Variants in ZMYM4 observed in about 807,000 individuals in gnomAD.
ZMYM4 encodes zinc finger MYM-type protein 4.
Under a neutral mutation model 183.2 loss-of-function variants are expected in ZMYM4, and 31 were observed. The observed-to-expected ratio is 0.17, with a 90% confidence interval of 0.13 to 0.23. The LOEUF (loss-of-function observed/expected upper bound fraction) is 0.23, where lower values mean the gene tolerates loss of function less well. Ranked by LOEUF, ZMYM4 falls within the 10% of genes least tolerant of loss-of-function variation. ZMYM4 has a pLI of 1.00. For synonymous variants in ZMYM4, 592 were observed against 631.2 expected (o/e 0.94, Z 0.93); for missense variants, 1,273 against 1,840.3 (o/e 0.69, Z 5.64).
At chr1:35,294,030 G>T (rs1276199229) in intron 1 of ZMYM4, among the ~76,000 whole-genome samples, 1 of 151,966 alleles carries the variant, frequency 6.6e-6, no homozygotes, top group African/African-American at 2.4e-5. Context: ...AGCTACTTGG[G>T]AGGCTGAGGC....
chr1:35,352,386 G>GCGCGCACACACACACACACA lies in ZMYM4; in HGVS notation c.86-6538_86-6537insGCGCACACACACACACACAC, dbSNP rs1231646476. Among the ~76,000 whole-genome samples, 5 of 128,472 alleles carry GCGCGCACACACACACACACA rather than the reference G, an allele frequency of 3.9e-5. No individual in the cohort carries two copies. In the East Asian group the frequency reaches 9.2e-4, roughly 24 times the overall value. 84.3% of individuals were successfully genotyped at this position (128,472 alleles called of 152,430 possible). ...CTCTACTAATAATTTAAAAATTAGCGCACACACACACACACACACACACAC... is the reference window on the plus strand; with the variant it reads ...CTCTACTAATAATTTAAAAATTAGCGCGCGCACACACACACACACACACACACACACACACACACACACAC... On this transcript the variant is annotated intron_variant, in intron 2 of 29. Coordinates refer to ENST00000314607, the MANE Select transcript of ZMYM4 (RefSeq NM_005095.3).
intron 1 of ZMYM4, among the ~76,000 whole-genome samples, chr1:35,276,260 CTCCT>C (rs1281250030): frequency 6.8e-6 from 1 of 147,082 alleles, no homozygotes; most frequent in East Asian, 2.0e-4. Context: ...CCCTCCCTCC[CTCCT>C]TCCCTCCCTC....
intron 2 of ZMYM4, among the ~76,000 whole-genome samples, chr1:35,327,041 G>A (rs1642533183): frequency 1.3e-5 from 2 of 151,950 alleles, no homozygotes; most frequent in Non-Finnish European, 2.9e-5. Flanking sequence ...TTATATTTTT[G>A]GTAGAGATGG....
intron 1 of ZMYM4, among the ~76,000 whole-genome samples, chr1:35,315,406 G>C (rs1028781052): frequency 6.6e-6 from 1 of 151,852 alleles, no homozygotes; most frequent in Non-Finnish European, 1.5e-5. Context: ...TTTAAAAAAA[G>C]TTCTACTAAA....
chr1:35,293,281 AGG>A (rs1441818160), intron 1 of ZMYM4, among the ~76,000 whole-genome samples: 1 of 152,066 alleles, frequency 6.6e-6, no homozygotes, highest in Non-Finnish European at 1.5e-5. Context: ...CTAGGACTAC[AGG>A]TGTGAACCAC....
chr1:35,320,459 C>T (rs375180114), intron 1 of ZMYM4, among the ~76,000 whole-genome samples: 7 of 152,330 alleles, frequency 4.6e-5, no homozygotes, highest in African/African-American at 1.7e-4. Flanking sequence ...GGTTGTTCAC[C>T]TGTATCCTTT....
At chr1:35,316,518 A>C (rs1464758886) in intron 1 of ZMYM4, among the ~76,000 whole-genome samples, 12 of 152,230 alleles carry the variant, frequency 7.9e-5, no homozygotes, top group African/African-American at 1.7e-4. Flanking sequence ...ACGAGCAGTG[A>C]CTAATCACAT....
chr1:35,336,827 C>A (rs189433353), intron 2 of ZMYM4, among the ~76,000 whole-genome samples: 3 of 152,306 alleles, frequency 2.0e-5, no homozygotes, highest in Admixed American at 2.0e-4. Flanking sequence ...AAGGGAGTGA[C>A]CTGTAGTCCT....
chr1:35,359,034 A>G lies in ZMYM4; in HGVS notation c.195A>G (p.Ser65=), dbSNP rs1332975618. The change falls in exon 3 of 30, where the codon TCA becomes TCG. Residue 65 remains serine (S), a synonymous_variant. Transcript: ENST00000314607. The part of the protein sequence containing the change: ...GMPNQTGSEN[S]LLDEDDYFLN... ...CGAATCAAACAGGATCTGAAAATTCATTGCTGGATGAAGATGATTATTTTT... is the reference window on the plus strand; with the variant it reads ...CGAATCAAACAGGATCTGAAAATTCGTTGCTGGATGAAGATGATTATTTTT... 6 of 1,613,662 alleles carry G rather than the reference A, an allele frequency of 3.7e-6. No individual in the cohort carries two copies. Among genetic ancestry groups the G allele is most frequent in the Middle Eastern group, 1.6e-4 (1 of 6,080 alleles).
chr1:35,375,489 G>C (rs1242374195), intron 7 of ZMYM4, among the ~76,000 whole-genome samples: 1 of 152,122 alleles, frequency 6.6e-6, no homozygotes, highest in Non-Finnish European at 1.5e-5. Context: ...TAGTCAAACA[G>C]GTTTCATTTA....
At chr1:35,297,416 T>C (rs951783136) in intron 1 of ZMYM4, among the ~76,000 whole-genome samples, 3 of 151,514 alleles carry the variant, frequency 2.0e-5, no homozygotes, top group African/African-American at 7.3e-5. Context: ...CAGAGGTTGC[T>C]GTGAGCTGAG....
At chr1:35,412,009 A>G (rs1479153266) in intron 26 of ZMYM4, among the ~76,000 whole-genome samples, 1 of 151,688 alleles carries the variant, frequency 6.6e-6, no homozygotes, top group African/African-American at 2.4e-5. Flanking sequence ...TCAGCCTCCG[A>G]AGTAGCTGGG....
At chr1:35,294,929 A>T (rs560404100) in intron 1 of ZMYM4, among the ~76,000 whole-genome samples, 1 of 152,164 alleles carries the variant, frequency 6.6e-6, no homozygotes, top group Non-Finnish European at 1.5e-5. Context: ...ATAGATAACC[A>T]CTTGAGTCAT....
intron 15 of ZMYM4, among the ~76,000 whole-genome samples, 155 bp from the exon 16 acceptor site, chr1:35,392,057 A>AG (rs1368732072): frequency 6.6e-6 from 1 of 151,948 alleles, no homozygotes; most frequent in Non-Finnish European, 1.5e-5. Flanking sequence ...AAAAAAAAAA[A>AG]GAAGAAAACC....
chr1:35,309,244 C>A (rs1246910872), intron 1 of ZMYM4, among the ~76,000 whole-genome samples: 2 of 152,154 alleles, frequency 1.3e-5, no homozygotes, highest in Non-Finnish European at 2.9e-5. Context: ...TTTAAATAAA[C>A]TTTATTCTTT....
intron 1 of ZMYM4, among the ~76,000 whole-genome samples, chr1:35,317,305 C>T (rs1456211473): frequency 6.6e-6 from 1 of 151,796 alleles, no homozygotes; most frequent in Non-Finnish European, 1.5e-5. Flanking sequence ...GTGAAGGCGG[C>T]ACCTGTAATC....
chr1:35,333,804 C>G (rs1015225948), intron 2 of ZMYM4, among the ~76,000 whole-genome samples: 1 of 152,084 alleles, frequency 6.6e-6, no homozygotes, highest in African/African-American at 2.4e-5. Flanking sequence ...CCTCACTTCT[C>G]TCTGTCTTGA....
chr1:35,394,162 CTTTTTTTTTT>C (rs34277367), intron 18 of ZMYM4, among the ~76,000 whole-genome samples: 4 of 68,394 alleles, frequency 5.8e-5, no homozygotes, highest in Admixed American at 3.9e-4. Context: ...TCAGAGCTTT[CTTTTTTTTTT>C]TTTTTTTTTT....
At chr1:35,315,884 A>G (rs1245124906) in intron 1 of ZMYM4, among the ~76,000 whole-genome samples, 1 of 152,148 alleles carries the variant, frequency 6.6e-6, no homozygotes, top group Non-Finnish European at 1.5e-5. Context: ...AAAGATCATG[A>G]CACTGCACCC....
Sources: allele counts gnomAD v4.1 joint callset (sites outside exome capture counted in the v4.1 genomes callset), GRCh38; gene constraint gnomAD v4.1.1; transcripts MANE v1.5; gene names NCBI Gene and HGNC (gene_info 2026-07-23, HGNC 2026-07-21).